Variants in SMG6 observed in about 807,000 individuals in gnomAD.
SMG6 encodes the protein SMG6 nonsense mediated mRNA decay factor, also known as telomerase-binding protein EST1A.
SMG6 carries 66 observed loss-of-function variants against 142.2 expected under a neutral mutation model. That is an observed-to-expected ratio of 0.46 (90% CI 0.38 to 0.57). The LOEUF (loss-of-function observed/expected upper bound fraction) is 0.57, where lower values mean the gene tolerates loss of function less well. SMG6 is among the 20% of genes least tolerant of loss of function. The pLI, the probability that SMG6 is intolerant of heterozygous loss-of-function variation, is 0.00. For synonymous variants in SMG6, 779 were observed against 702.4 expected, an observed-to-expected ratio of 1.11 and a Z score of -1.72; for missense variants, 1,793 against 1,832.0, an observed-to-expected ratio of 0.98 and a Z score of 0.39.
intron 13 of SMG6, among the ~76,000 whole-genome samples, chr17:2,128,755 T>C (rs1042975771): frequency 3.0e-5 from 4 of 132,804 alleles, no homozygotes; most frequent in African/African-American, 5.9e-5. Context: ...ACCCAGGAGG[T>C]GGAGGTTGCA....
intron 13 of SMG6, chr17:2,087,289 C>T: frequency 7.9e-7 from 1 of 1,267,118 alleles, no homozygotes; most frequent in South Asian, 1.3e-5. Flanking sequence ...GCAGGCATGA[C>T]CCATGTTCTC....
intron 8 of SMG6, among the ~76,000 whole-genome samples, chr17:2,272,312 T>G (rs577527723): frequency 6.6e-6 from 1 of 152,320 alleles, no homozygotes; most frequent in Admixed American, 6.5e-5. Context: ...GGAAGCCTTC[T>G]GAATTCACTT....
At chr17:2,086,947 A>G (rs2068578220) in intron 13 of SMG6, 1 of 1,230,928 alleles carries the variant, frequency 8.1e-7, no homozygotes, top group East Asian at 5.7e-5. Flanking sequence ...CAGACGTGCC[A>G]CAGGGGACGG....
chr17:2,146,969 C>T (rs2070687588), intron 13 of SMG6, among the ~76,000 whole-genome samples: 1 of 152,094 alleles, frequency 6.6e-6, no homozygotes, highest in Admixed American at 6.6e-5. Context: ...TAGGGGTTTC[C>T]TTATTTTATT....
intron 13 of SMG6, among the ~76,000 whole-genome samples, chr17:2,091,322 C>G (rs745540547): frequency 1.3e-5 from 2 of 152,144 alleles, no homozygotes; most frequent in Admixed American, 6.5e-5. Flanking sequence ...AAGGCAGGAG[C>G]GAAACTGGCC....
At chr17:2,273,339 C>T (rs1472726504) in intron 8 of SMG6, among the ~76,000 whole-genome samples, 2 of 152,294 alleles carry the variant, frequency 1.3e-5, no homozygotes, top group East Asian at 1.9e-4. Flanking sequence ...AACACAGAGA[C>T]ACCCTGGCTC....
intron 10 of SMG6, among the ~76,000 whole-genome samples, chr17:2,199,591 G>T (rs182748120): frequency 8.9e-4 from 134 of 151,214 alleles, no homozygotes; most frequent in Non-Finnish European, 1.5e-3. Flanking sequence ...AAATAAAAAA[G>T]ATTTAATTTT....
At chr17:2,248,811 T>C (rs1402214284) in intron 8 of SMG6, among the ~76,000 whole-genome samples, 1 of 152,116 alleles carries the variant, frequency 6.6e-6, no homozygotes, top group African/African-American at 2.4e-5. Context: ...ATTTGTTACA[T>C]ATTGATCAAA....
chr17:2,065,206 TGGA>T (rs749938653), intron 17 of SMG6, 52 bp from the exon 18 acceptor site: 105 of 1,468,836 alleles, frequency 7.1e-5, no homozygotes, highest in Non-Finnish European at 8.7e-5. Context: ...GGGCGCCATG[TGGA>T]GGAGGAGGAG....
intron 13 of SMG6, among the ~76,000 whole-genome samples, chr17:2,107,171 T>C (rs1032979336): frequency 6.6e-6 from 1 of 152,130 alleles, no homozygotes; most frequent in African/African-American, 2.4e-5. Context: ...GCAGGATTCC[T>C]AATAGGCATG....
intron 16 of SMG6, among the ~76,000 whole-genome samples, chr17:2,066,309 T>C (rs768796163): frequency 6.6e-6 from 1 of 151,862 alleles, no homozygotes; most frequent in Non-Finnish European, 1.5e-5. Context: ...TGTGTACATG[T>C]ATGTGTGTGT....
At chr17:2,273,164 A>G (rs977170679) in intron 8 of SMG6, among the ~76,000 whole-genome samples, 1 of 152,176 alleles carries the variant, frequency 6.6e-6, no homozygotes, top group Admixed American at 6.5e-5. Flanking sequence ...CTCTCTGTTA[A>G]TGAATTAATA....
At chr17:2,130,661 G>C (rs2070089887) in intron 13 of SMG6, among the ~76,000 whole-genome samples, 2 of 151,766 alleles carry the variant, frequency 1.3e-5, no homozygotes, top group Admixed American at 1.3e-4. Flanking sequence ...TATTCTTTAT[G>C]ACCTCAGGGT....
intron 13 of SMG6, among the ~76,000 whole-genome samples, chr17:2,138,127 A>T (rs2070363737): frequency 2.0e-5 from 3 of 152,104 alleles, no homozygotes; most frequent in African/African-American, 7.2e-5. Context: ...ACAACATGGA[A>T]ATACAGTTAT....
chr17:2,179,410 G>A (rs1006520102), intron 12 of SMG6, among the ~76,000 whole-genome samples: 3 of 152,132 alleles, frequency 2.0e-5, no homozygotes, highest in African/African-American at 7.2e-5. Flanking sequence ...CATCTACAGA[G>A]TCAACACATG....
Position 2,238,229 on chromosome 17 carries a change from C to T in SMG6, c.2724-1592G>A, listed in dbSNP as rs1483647882. Among the ~76,000 whole-genome samples, 3 of 152,312 alleles carry T rather than the reference C, an allele frequency of 2.0e-5. No homozygotes were observed. The East Asian group carries it at 5.8e-4, about 29-fold the overall frequency. The stretch of plus-strand genomic sequence containing the variant: ...TCGTGCCACAGTTATGGGTCAATTA[C>T]AGTTTACATTCCAGTTCCCTCCTCT... On this transcript the variant is annotated intron_variant, in intron 9 of 18. Coordinates refer to ENST00000263073, the MANE Select transcript of SMG6 (RefSeq NM_017575.5).
At chr17:2,221,104 A>G (rs540426246) in intron 10 of SMG6, among the ~76,000 whole-genome samples, 1 of 152,348 alleles carries the variant, frequency 6.6e-6, no homozygotes, top group South Asian at 2.1e-4. Context: ...ACGCTGTTCT[A>G]TAGAAATTTA....
chr17:2,124,295 G>A (rs1049726627), intron 13 of SMG6, among the ~76,000 whole-genome samples: 1 of 152,206 alleles, frequency 6.6e-6, no homozygotes, highest in African/African-American at 2.4e-5. Flanking sequence ...AATAAGGGTG[G>A]GGTACAGGCC....
rs533399944 is a variant in SMG6 at position 2,076,683 on chromosome 17, C to T, written c.3681+5127G>A. ...GAAGAATTATGGAAGTGAAGGGCCC[C>T]GGGCATTAAAGCGGGGTGGGGAAGG... On this transcript the variant is annotated intron_variant, in intron 15 of 18. Coordinates refer to ENST00000263073, the MANE Select transcript of SMG6 (RefSeq NM_017575.5). Among the ~76,000 whole-genome samples the T allele has an allele frequency of 6.6e-5, 10 of 152,254 alleles. No homozygotes were observed. In the East Asian group the frequency reaches 7.7e-4, roughly 12 times the overall value.
Sources: allele counts gnomAD v4.1 joint callset (sites outside exome capture counted in the v4.1 genomes callset), GRCh38; gene constraint gnomAD v4.1.1; transcripts MANE v1.5; gene names NCBI Gene and HGNC (gene_info 2026-07-23, HGNC 2026-07-21).